The following GIT2 variants were observed in gnomAD, a reference collection of about 807,000 sequenced individuals.
GIT2 encodes the protein ARF GTPase-activating protein GIT2.
GIT2 carries 32 observed loss-of-function variants against 100.3 expected under a neutral mutation model. The ratio of observed to expected loss-of-function variants is 0.32; its 90% confidence interval spans 0.24 to 0.43. The LOEUF is 0.43. Ranked by LOEUF, GIT2 falls within the 20% of genes least tolerant of loss-of-function variation. The probability of loss-of-function intolerance (pLI) is 1.00; values close to 1 mark genes in which losing one functional copy is unlikely to be tolerated. For synonymous variants in GIT2, 353 were observed against 364.1 expected (o/e 0.97, Z 0.35); for missense variants, 737 against 975.1 (o/e 0.76, Z 3.25).
At chr12:109,972,269 C>T (rs1363765469) in intron 7 of GIT2, among the ~76,000 whole-genome samples, 1 of 152,058 alleles carries the variant, frequency 6.6e-6, no homozygotes, top group African/African-American at 2.4e-5. Flanking sequence ...GTCTTTCTCC[C>T]AATTTGAAAG....
intron 7 of GIT2, among the ~76,000 whole-genome samples, chr12:109,979,244 C>A (rs947215408): frequency 7.3e-5 from 11 of 151,140 alleles, no homozygotes; most frequent in African/African-American, 2.7e-4. Context: ...GTAGAAGTCC[C>A]ATTTCCTGCT....
chr12:109,961,041 T>A (rs1187528023), intron 11 of GIT2, among the ~76,000 whole-genome samples: 2 of 152,222 alleles, frequency 1.3e-5, no homozygotes, highest in Non-Finnish European at 2.9e-5. Flanking sequence ...AGGTTAAACA[T>A]TTCTTCACAT....
chr12:109,950,521 C>T (rs544328913), intron 14 of GIT2, among the ~76,000 whole-genome samples: 2 of 152,346 alleles, frequency 1.3e-5, no homozygotes, highest in South Asian at 4.1e-4. Flanking sequence ...ATCAACCACA[C>T]TCCTTTTAGG....
intron 1 of GIT2, among the ~76,000 whole-genome samples, chr12:109,993,789 G>A (rs1339349457): frequency 2.0e-5 from 3 of 151,854 alleles, no homozygotes; most frequent in African/African-American, 7.2e-5. Context: ...CTCTACTACT[G>A]TACTGAAAAT....
At chr12:109,937,639 G>T (rs763755484) in intron 18 of GIT2, among the ~76,000 whole-genome samples, 1 of 152,198 alleles carries the variant, frequency 6.6e-6, no homozygotes, top group Non-Finnish European at 1.5e-5. Flanking sequence ...ACCACAGGAC[G>T]TGCTTCTAGT....
intron 7 of GIT2, among the ~76,000 whole-genome samples, chr12:109,979,759 T>C (rs114317221): frequency 2.6e-4 from 40 of 152,280 alleles, no homozygotes; most frequent in African/African-American, 9.6e-4. Flanking sequence ...TCCAGGTCTG[T>C]TAGTTCTATT....
intron 1 of GIT2, chr12:109,995,953 G>C (rs1424051105): frequency 2.2e-6 from 1 of 464,150 alleles, no homozygotes; most frequent in Non-Finnish European, 3.8e-6. Flanking sequence ...GGAACGGGAG[G>C]GAACGAGAGG....
At chr12:109,969,162 CTTT>C (rs71079595) in intron 7 of GIT2, among the ~76,000 whole-genome samples, 1,755 of 89,092 alleles carry the variant, frequency 0.02, 12 homozygotes, top group South Asian at 0.061. Context: ...AAAACTTTTC[CTTT>C]TTTTTTTTTT....
chr12:109,931,258 T>C lies in GIT2; in HGVS notation c.*1720A>G, dbSNP rs899182067. The C allele has an allele frequency of 6.6e-6, 1 of 152,224 alleles. No homozygotes were observed. The highest frequency in any genetic ancestry group is 1.5e-5 in the Non-Finnish European group (1 of 68,056). 9.4% of individuals were successfully genotyped at this position (152,224 alleles called of 1,614,324 possible). A position where few individuals can be genotyped will look rare whatever the true frequency, so the allele number is the denominator to read the frequency against. On this transcript the variant is annotated 3_prime_UTR_variant, in exon 20 of 20. Coordinates refer to ENST00000355312, the MANE Select transcript of GIT2 (RefSeq NM_057169.5). ...AATGACTGCTATGGGACAGAACATA[T>C]GGTTAAAAACAGGAGCGACAGCAAC...
intron 12 of GIT2, among the ~76,000 whole-genome samples, chr12:109,958,385 G>A (rs780611024): frequency 4.0e-5 from 6 of 151,868 alleles, no homozygotes; most frequent in African/African-American, 7.3e-5. Flanking sequence ...GGGATTATAC[G>A]CGCGTACCAC....
intron 9 of GIT2, 41 bp downstream of exon 9, chr12:109,965,485 G>C: frequency 8.3e-7 from 1 of 1,207,140 alleles, no homozygotes; most frequent in Non-Finnish European, 1.2e-6. Flanking sequence ...AGGGTGCACT[G>C]ATTCTCATAC....
chr12:109,961,441 C>A, intron 10 of GIT2, 66 bp from the exon 11 acceptor site: 1 of 1,070,364 alleles, frequency 9.3e-7, no homozygotes, highest in South Asian at 1.3e-5. Flanking sequence ...CTGGGAGGCA[C>A]AGCTCACGCA....
chr12:109,968,003 T>A (rs1416123935), intron 7 of GIT2, among the ~76,000 whole-genome samples: 5 of 152,226 alleles, frequency 3.3e-5, no homozygotes, highest in African/African-American at 1.2e-4. Flanking sequence ...AGAACACTGA[T>A]CCATGTGCCA....
chr12:109,975,041 C>T (rs1285941076), intron 7 of GIT2, among the ~76,000 whole-genome samples: 1 of 152,126 alleles, frequency 6.6e-6, no homozygotes, highest in Non-Finnish European at 1.5e-5. Context: ...CTAATATTCC[C>T]TCCTCTGAAG....
At chr12:109,945,438 A>G (rs1876071297) in intron 15 of GIT2, 89 bp from the exon 16 acceptor site, 13 of 721,356 alleles carry the variant, frequency 1.8e-5, no homozygotes, top group Non-Finnish European at 3.0e-5. Flanking sequence ...GAATCCTGGA[A>G]CACCACACAT....
At chr12:109,988,822 C>T in intron 4 of GIT2, 141 bp downstream of exon 4, 1 of 541,732 alleles carries the variant, frequency 1.8e-6, no homozygotes, top group Non-Finnish European at 3.3e-6. Context: ...CACTGTACTC[C>T]CGCCTGGGTA....
Position 109,947,382 on chromosome 12 carries a change from C to A in GIT2, c.1515G>T (p.Pro505=), listed in dbSNP as rs535275914. ...ACATGGGCCTACTGCCCCGGGCAGA[C>A]GGACGTCTCTTTAAGGAAGAGTGGT... ...TSNHSSLKRR[P]SARGSRPMSM... Residue 505 remains proline, a synonymous_variant, in exon 15 of 20, where the codon CCG becomes CCT. Transcript: ENST00000355312. This position sits in a 1 kb window ranked among gnomAD's most constrained non-coding sequence, Gnocchi z 4.3. 1 of 1,614,108 alleles carries A rather than the reference C, an allele frequency of 6.2e-7. No individual in the cohort carries two copies. Among genetic ancestry groups the A allele is most frequent in the Non-Finnish European group, 8.5e-7 (1 of 1,179,990 alleles).
At chr12:109,939,953 G>C (rs1874212649) in intron 16 of GIT2, 1 of 152,170 alleles carries the variant, frequency 6.6e-6, no homozygotes, top group African/African-American at 2.4e-5. Context: ...GCCACCTTCA[G>C]ATTATCTCAT....
intron 18 of GIT2, 98 bp downstream of exon 18, chr12:109,938,282 A>G: frequency 1.2e-6 from 1 of 804,898 alleles, no homozygotes; most frequent in South Asian, 1.8e-5. Flanking sequence ...CCTTGAAGTC[A>G]GCATGCTGGG....
Sources: allele counts gnomAD v4.1 joint callset (sites outside exome capture counted in the v4.1 genomes callset), GRCh38; gene constraint gnomAD v4.1.1; non-coding constraint Gnocchi (gnomAD v3.1); transcripts MANE v1.5; gene names NCBI Gene and HGNC (gene_info 2026-07-23, HGNC 2026-07-21).